The following JARID2 variants were observed in gnomAD, a reference collection of about 807,000 sequenced individuals.
JARID2 encodes the protein protein Jumonji.
In JARID2, 21 loss-of-function variants were observed where a neutral mutation model predicts 125.6. The ratio of observed to expected loss-of-function variants is 0.17; its 90% CI spans 0.12 to 0.24. The LOEUF is 0.24. Ranked by LOEUF, JARID2 falls within the 10% of genes least tolerant of loss-of-function variation. The probability of loss-of-function intolerance (pLI) is 1.00; values close to 1 mark genes in which losing one functional copy is unlikely to be tolerated. For synonymous variants in JARID2, 736 were observed against 661.6 expected (o/e 1.11, Z -1.73); for missense variants, 1,303 against 1,639.6 (o/e 0.79, Z 3.55).
At chr6:15,272,035 G>A (rs1760317537) in intron 1 of JARID2, among the ~76,000 whole-genome samples, 1 of 152,056 alleles carries the variant, frequency 6.6e-6, no homozygotes. Context: ...TGAGGCATGA[G>A]AATCGCTTGA....
chr6:15,270,612 T>C (rs1760259644), intron 1 of JARID2, among the ~76,000 whole-genome samples: 1 of 152,190 alleles, frequency 6.6e-6, no homozygotes, highest in African/African-American at 2.4e-5. Flanking sequence ...ACTGTGTTAT[T>C]AAGGTGTTGG....
At position 15,320,828 on chromosome 6, in the gene JARID2, A is replaced by G. The variant is rs538261342; in HGVS notation, c.46-53289A>G. Among the ~76,000 whole-genome samples the G allele has an allele frequency of 3.6e-4, 54 of 149,050 alleles. 1 individual carries two copies. Among genetic ancestry groups the G allele is most frequent in the African/African-American group, 1.2e-3 (50 of 40,012 alleles). On this transcript the variant is annotated intron_variant, in intron 1 of 17. Transcript: ENST00000341776. ...TATTTTCAGCCATGGCCATGCAAGAATATGATTCATTCTCTCTCTCTCTCT... is the reference window on the plus strand; with the variant it reads ...TATTTTCAGCCATGGCCATGCAAGAGTATGATTCATTCTCTCTCTCTCTCT...
At chr6:15,291,007 C>T (rs1400131979) in intron 1 of JARID2, among the ~76,000 whole-genome samples, 3 of 152,080 alleles carry the variant, frequency 2.0e-5, no homozygotes, top group Admixed American at 6.6e-5. Flanking sequence ...TGAGGCAGTG[C>T]GAGATCATTT....
At chr6:15,366,645 C>G (rs1226206193) in intron 1 of JARID2, among the ~76,000 whole-genome samples, 1 of 152,038 alleles carries the variant, frequency 6.6e-6, no homozygotes, top group Non-Finnish European at 1.5e-5. Flanking sequence ...TTTCCTTGGT[C>G]TCCTATGGCC....
intron 5 of JARID2, among the ~76,000 whole-genome samples, chr6:15,477,474 A>AT (rs1268707197): frequency 6.8e-6 from 1 of 147,940 alleles, no homozygotes; most frequent in African/African-American, 2.5e-5. Flanking sequence ...TGACTATTCC[A>AT]AAAAGTTGGA....
Position 15,399,644 on chromosome 6 carries a change from A to C in JARID2, c.182-10580A>C, listed in dbSNP as rs892133716. Among the ~76,000 whole-genome samples, 3 of 152,128 alleles carry C rather than the reference A, an allele frequency of 2.0e-5. No homozygotes were observed. In the East Asian group the frequency reaches 5.8e-4, roughly 29 times the overall value. Reference sequence around the variant, plus strand: ...AATACCCGCTAGCCTGGGTGACTTCACTCCTGAGCAAAGTTGACATCTACC... The same window carrying C: ...AATACCCGCTAGCCTGGGTGACTTCCCTCCTGAGCAAAGTTGACATCTACC... On this transcript the variant is annotated intron_variant, in intron 2 of 17. Transcript: ENST00000341776.
chr6:15,445,296 G>A (rs765191949), intron 3 of JARID2, among the ~76,000 whole-genome samples: 2 of 152,102 alleles, frequency 1.3e-5, no homozygotes, highest in East Asian at 1.9e-4. Context: ...CATCCCTGGG[G>A]TTTCTTTACA....
intron 1 of JARID2, among the ~76,000 whole-genome samples, chr6:15,281,712 G>A (rs1467419478): frequency 1.3e-5 from 2 of 152,230 alleles, no homozygotes; most frequent in Admixed American, 1.3e-4. Context: ...GCAAGTAGCT[G>A]ATAGGACTAG....
Position 15,270,110 on chromosome 6 carries a change from T to C in JARID2, c.45+23526T>C, listed in dbSNP as rs192038983. ...TGCCTCAGGGTCGATCCTTCCTTCC[T>C]TCCTTCAGTCCGTCCATCTGTCCGT... On this transcript the variant is annotated intron_variant, in intron 1 of 17. Transcript: ENST00000341776. 2.0e-5 allele frequency among the ~76,000 whole-genome samples: 3 copies of C among 152,304 alleles called. No homozygotes were observed. The East Asian group carries it at 5.8e-4, about 29-fold the overall frequency.
At chr6:15,281,924 C>CTCTG in intron 1 of JARID2, among the ~76,000 whole-genome samples, 1 of 146,264 alleles carries the variant, frequency 6.8e-6, no homozygotes, top group East Asian at 2.0e-4. Flanking sequence ...GGTATGTGCT[C>CTCTG]TGTGTGTGTG....
intron 1 of JARID2, among the ~76,000 whole-genome samples, 160 bp from the exon 2 acceptor site, chr6:15,373,957 C>T (rs559109677): frequency 6.6e-6 from 1 of 152,322 alleles, no homozygotes; most frequent in East Asian, 1.9e-4. Flanking sequence ...TCAGAAAGGT[C>T]ATTGCCCCTT....
chr6:15,273,909 T>C (rs1391367261), intron 1 of JARID2, among the ~76,000 whole-genome samples: 26 of 150,834 alleles, frequency 1.7e-4, no homozygotes, highest in Non-Finnish European at 1.5e-4. Context: ...TCTGCATTTC[T>C]CTGAAAAATT....
At chr6:15,343,605 A>C (rs9383048) in intron 1 of JARID2, among the ~76,000 whole-genome samples, 137,167 of 152,188 alleles carry the variant, frequency 0.9, 61,997 homozygotes, top group African/African-American at 0.98. Context: ...ATTTTGGTGT[A>C]TTTGGAGGGA....
At chr6:15,433,342 C>T (rs1399176723) in intron 3 of JARID2, among the ~76,000 whole-genome samples, 2 of 151,580 alleles carry the variant, frequency 1.3e-5, no homozygotes, top group Admixed American at 6.6e-5. Flanking sequence ...CCTTCCCTTG[C>T]GGTTTATTTG....
intron 3 of JARID2, among the ~76,000 whole-genome samples, chr6:15,433,020 G>A (rs77240761): frequency 0.018 from 2,684 of 152,286 alleles, 78 homozygotes; most frequent in African/African-American, 0.061. Flanking sequence ...TGGTGCCTGA[G>A]AATTTGCATT....
At chr6:15,417,696 C>T (rs185487189) in intron 3 of JARID2, among the ~76,000 whole-genome samples, 122 of 152,102 alleles carry the variant, frequency 8.0e-4, no homozygotes, top group African/African-American at 2.4e-3. Flanking sequence ...TAGCTGTGAT[C>T]GTGCCATCAC....
intron 1 of JARID2, among the ~76,000 whole-genome samples, chr6:15,372,870 G>A (rs755524332): frequency 6.6e-6 from 1 of 152,004 alleles, no homozygotes; most frequent in Non-Finnish European, 1.5e-5. Flanking sequence ...CACCACGCCT[G>A]GCTAGTTTTT....
At chr6:15,509,311 T>C in intron 12 of JARID2, 1 of 985,396 alleles carries the variant, frequency 1.0e-6, no homozygotes, top group Non-Finnish European at 1.2e-6. Context: ...ATGCTGACTG[T>C]GTTTATTGCC....
intron 2 of JARID2, among the ~76,000 whole-genome samples, chr6:15,377,359 A>G (rs1764395088): frequency 6.6e-6 from 1 of 152,184 alleles, no homozygotes; most frequent in Non-Finnish European, 1.5e-5. Flanking sequence ...GCCAGCCCCC[A>G]TGATTCAATT....
Sources: gnomAD v4.1 joint callset for allele counts (sites outside exome capture counted in the v4.1 genomes callset) on GRCh38, gnomAD v4.1.1 for gene constraint, MANE v1.5 for transcripts, NCBI Gene and HGNC (gene_info 2026-07-23, HGNC 2026-07-21) for gene names.